SYT1: variants seen among roughly 807,000 people sequenced by gnomAD.
SYT1 encodes the protein synaptotagmin-1.
A neutral mutation model predicts 44.8 loss-of-function variants in SYT1; 8 were observed. The observed-to-expected ratio is 0.18, with a 90% CI of 0.10 to 0.32. SYT1 has a LOEUF of 0.32. Ranked by LOEUF, SYT1 falls within the 10% of genes least tolerant of loss-of-function variation. The pLI is 1.00. For synonymous variants in SYT1, 154 were observed against 188.8 expected (o/e 0.82, Z 1.51); for missense variants, 286 against 509.3 (o/e 0.56, Z 4.22).
At chr12:78,963,996 G>T (rs1879646225) in intron 1 of SYT1, 1 of 152,274 alleles carries the variant, frequency 6.6e-6, no homozygotes, top group Non-Finnish European at 1.5e-5. Context: ...CTCTCACTTT[G>T]CTTTCTGTGC....
chr12:79,347,369 G>A (rs1882656303), intron 8 of SYT1, among the ~76,000 whole-genome samples: 1 of 152,082 alleles, frequency 6.6e-6, no homozygotes, highest in Non-Finnish European at 1.5e-5. Context: ...ATGTTTGGGG[G>A]ATTCAGGATG....
At chr12:78,911,151 A>G (rs1876300007) in intron 1 of SYT1, among the ~76,000 whole-genome samples, 1 of 152,022 alleles carries the variant, frequency 6.6e-6, no homozygotes, top group South Asian at 2.1e-4. Flanking sequence ...ATGTAGACAG[A>G]TTAGTTTGTT....
chr12:78,941,065 C>CTTTTTTTTTTTTTTTTTTTTTT (rs398044555), intron 1 of SYT1, among the ~76,000 whole-genome samples: 56 of 68,464 alleles, frequency 8.2e-4, no homozygotes, highest in Non-Finnish European at 9.7e-4. Context: ...CTTTTTTTTT[C>CTTTTTTTTTTTTTTTTTTTTTT]TTTTTTTTTT....
At chr12:79,039,807 A>G (rs1300131421) in intron 2 of SYT1, among the ~76,000 whole-genome samples, 2 of 125,242 alleles carry the variant, frequency 1.6e-5, no homozygotes, top group Non-Finnish European at 3.2e-5. Flanking sequence ...AGAGTGTGAT[A>G]TTCCCCTTCC....
At position 79,301,253 on chromosome 12, in the gene SYT1, A is replaced by C. The variant is rs114217384; in HGVS notation, c.810+1702A>C. 1.1e-3 allele frequency among the ~76,000 whole-genome samples: 170 copies of C among 152,280 alleles called. 1 individual carries two copies. The highest frequency in any genetic ancestry group is 4.0e-3 in the African/African-American group (166 of 41,574). On this transcript the variant is annotated intron_variant, in intron 8 of 10. Coordinates refer to ENST00000261205, the MANE Select transcript of SYT1 (RefSeq NM_005639.3). ...CCCACTTGTGCAGGGTGCATGGTTC[A>C]CACTTGTTACTTTCACCTGGATAAT... is the stretch of plus-strand genomic sequence containing the variant.
chr12:79,185,082 T>C (rs944366188), intron 3 of SYT1, among the ~76,000 whole-genome samples: 1 of 152,038 alleles, frequency 6.6e-6, no homozygotes, highest in African/African-American at 2.4e-5. Context: ...ATTGCCATCT[T>C]GGTCTGTACT....
At chr12:78,924,652 A>G (rs1444900823) in intron 1 of SYT1, among the ~76,000 whole-genome samples, 1 of 147,788 alleles carries the variant, frequency 6.8e-6, no homozygotes, top group African/African-American at 2.5e-5. Context: ...ATATATATAA[A>G]TATATATATT....
At chr12:79,212,321 T>TGCCC (rs946490787) in intron 3 of SYT1, among the ~76,000 whole-genome samples, 2 of 151,992 alleles carry the variant, frequency 1.3e-5, no homozygotes, top group African/African-American at 4.8e-5. Context: ...TGAGAACACA[T>TGCCC]GGATGCAGGG....
chr12:79,300,789 T>TTTTTTATATATA (rs1490670835), intron 8 of SYT1, among the ~76,000 whole-genome samples: 4 of 89,624 alleles, frequency 4.5e-5, no homozygotes, highest in Non-Finnish European at 6.6e-5. Context: ...TGTATACTTA[T>TTTTTTATATATA]TATATATATA....
intron 5 of SYT1, among the ~76,000 whole-genome samples, chr12:79,287,352 T>C (rs1407845588): frequency 6.6e-6 from 1 of 152,108 alleles, no homozygotes; most frequent in African/African-American, 2.4e-5. Flanking sequence ...CTAATAAAGA[T>C]TTTTCTCTTC....
chr12:79,448,999 A>G lies in SYT1; in HGVS notation c.1144A>G (p.Asn382Asp). ...DAIGKVFVGY[N>D]STGAELRHWS... ...CATCGGCAAAGTCTTTGTGGGCTAC[A>G]ACAGCACCGGCGCGGAGCTGCGACA... is the stretch of plus-strand genomic sequence containing the variant. The change falls in exon 11 of 11, where the codon AAC (asparagine) becomes GAC (aspartate). Residue 382 changes from asparagine (N) to aspartate (D), a missense_variant. Asn to Asp is a conservative substitution (Grantham distance 23). This residue lies in a region of SYT1 where 34 missense variants were observed against 59.0 expected (regional missense o/e 0.58). Transcript: ENST00000261205. The G allele has an allele frequency of 6.2e-7, 1 of 1,614,240 alleles. No individual in the cohort carries two copies. Among genetic ancestry groups the G allele is most frequent in the Non-Finnish European group, 8.5e-7 (1 of 1,180,032 alleles).
At chr12:79,210,343 A>G (rs1053279985) in intron 3 of SYT1, among the ~76,000 whole-genome samples, 23 of 151,832 alleles carry the variant, frequency 1.5e-4, no homozygotes, top group African/African-American at 5.3e-4. Flanking sequence ...ATTTTGATGC[A>G]CCCATAGCCC....
At chr12:78,906,449 A>T (rs1875984208) in intron 1 of SYT1, among the ~76,000 whole-genome samples, 1 of 152,146 alleles carries the variant, frequency 6.6e-6, no homozygotes, top group South Asian at 2.1e-4. Flanking sequence ...AGTTTATGGG[A>T]TAATAGAGAG....
chr12:79,293,325 A>AAAAATAAAATAAAATAAAATAAAAT lies in SYT1; in HGVS notation c.474+1256_474+1280dup, dbSNP rs71091659. Among the ~76,000 whole-genome samples the AAAAATAAAATAAAATAAAATAAAAT allele has an allele frequency of 1.9e-4, 21 of 111,556 alleles. 1 individual carries two copies. Among genetic ancestry groups the AAAAATAAAATAAAATAAAATAAAAT allele is most frequent in the East Asian group, 5.7e-4 (2 of 3,538 alleles). The allele number at this position is 111,556 out of a possible 152,430, so 73.2% of individuals were successfully genotyped here. A position where few individuals can be genotyped will look rare whatever the true frequency, so the allele number is the denominator to read the frequency against. ...GGCGACAGAGCGAGACTCCATCTCA[A>AAAAATAAAATAAAATAAAATAAAAT]AAAATAAAATAAAATAAAATAAAAT... On this transcript the variant is annotated intron_variant, in intron 6 of 10. Transcript: ENST00000261205.
chr12:79,433,652 C>G (rs772263088), intron 9 of SYT1, among the ~76,000 whole-genome samples: 28 of 152,130 alleles, frequency 1.8e-4, no homozygotes, highest in Non-Finnish European at 3.8e-4. Context: ...TCAGCTCATA[C>G]AAACAGTTTA....
intron 3 of SYT1, among the ~76,000 whole-genome samples, chr12:79,123,295 T>C (rs1335084194): frequency 7.2e-6 from 1 of 139,026 alleles, no homozygotes; most frequent in Non-Finnish European, 1.6e-5. Context: ...GTTACATGTA[T>C]CTCTAAAAAT....
chr12:79,308,183 C>T (rs1159856167), intron 8 of SYT1, among the ~76,000 whole-genome samples: 1 of 152,148 alleles, frequency 6.6e-6, no homozygotes, highest in Non-Finnish European at 1.5e-5. Flanking sequence ...ATCTGAAGAA[C>T]AGTTTGTGCA....
chr12:78,942,008 A>G (rs1878402830), intron 1 of SYT1, among the ~76,000 whole-genome samples: 1 of 152,348 alleles, frequency 6.6e-6, no homozygotes, highest in Admixed American at 6.5e-5. Context: ...CATCTGGCTT[A>G]CTATTTTCCT....
At position 79,316,666 on chromosome 12, in the gene SYT1, C is replaced by G. The variant is rs117698191; in HGVS notation, c.810+17115C>G. ...TGCTCAGTACCACCTTGATTCTTGA[C>G]CTGGGCACTATGTTGTCTATCGTCC... On this transcript the variant is annotated intron_variant, in intron 8 of 10. Transcript: ENST00000261205. 7.1e-3 allele frequency among the ~76,000 whole-genome samples: 1,075 copies of G among 152,156 alleles called. 43 individuals carry two copies. In the East Asian group the frequency reaches 0.077, roughly 11 times the overall value.
Sources: allele counts gnomAD v4.1 joint callset (sites outside exome capture counted in the v4.1 genomes callset), GRCh38; gene constraint gnomAD v4.1.1; regional missense constraint gnomAD v4.1.1; transcripts MANE v1.5; gene names NCBI Gene and HGNC (gene_info 2026-07-23, HGNC 2026-07-21).